Variants in XPA observed in about 807,000 individuals in gnomAD.
XPA encodes the protein DNA repair protein complementing XP-A cells.
In XPA, 27 loss-of-function variants were observed where a neutral mutation model predicts 35.7. The ratio of observed to expected loss-of-function variants is 0.76; its 90% CI spans 0.56 to 1.04. The LOEUF (loss-of-function observed/expected upper bound fraction) is 1.04, where lower values mean the gene tolerates loss of function less well. Among genes scored for constraint, XPA ranks in the 50% least tolerant of loss-of-function variants. XPA has a pLI of 0.00. For missense variants in XPA, 354 were observed against 342.7 expected, an observed-to-expected ratio of 1.03 and a Z score of -0.26; for synonymous variants, 133 against 118.4, an observed-to-expected ratio of 1.12 and a Z score of -0.80.
chr9:97,656,057 G>A, the XPA span: 1 of 1,614,004 alleles, frequency 6.2e-7, no homozygotes. Flanking sequence ...ACCGAAGTTT[G>A]TAAGAGAAGT....
At chr9:97,662,165 TTGC>T in the XPA span, 5 of 1,578,854 alleles carry the variant, frequency 3.2e-6, no homozygotes. Flanking sequence ...GTACAGAGCC[TTGC>T]TTGAGAGTTT....
chr9:97,665,593 C>T, the XPA span, among the ~76,000 whole-genome samples: 2 of 152,206 alleles, frequency 1.3e-5, no homozygotes, highest in Non-Finnish European at 2.9e-5. Flanking sequence ...AGTTAAAGTG[C>T]TCTGCTCTTT....
At chr9:97,661,500 G>A in the XPA span, among the ~76,000 whole-genome samples, 1 of 152,128 alleles carries the variant, frequency 6.6e-6, no homozygotes, top group Non-Finnish European at 1.5e-5. Flanking sequence ...TGGGAAAATT[G>A]ACAAAATAAT....
chr9:97,660,102 C>T, the XPA span, among the ~76,000 whole-genome samples: 4 of 152,126 alleles, frequency 2.6e-5, no homozygotes, highest in Non-Finnish European at 4.4e-5. Context: ...ATCTTGGTTC[C>T]CCAGCTAGAA....
the XPA span, among the ~76,000 whole-genome samples, chr9:97,664,726 G>C: frequency 6.6e-6 from 1 of 152,176 alleles, no homozygotes; most frequent in Non-Finnish European, 1.5e-5. Flanking sequence ...GAGAAAACTA[G>C]CAAGAGCCAG....
intron 5 of XPA, chr9:97,682,174 C>A: frequency 2.4e-6 from 1 of 423,332 alleles, no homozygotes; most frequent in Non-Finnish European, 4.6e-6. Flanking sequence ...ATCATATTCT[C>A]AAAGCAGGTA....
chr9:97,670,371 G>A (rs1032322042), downstream of XPA, among the ~76,000 whole-genome samples: 1 of 152,162 alleles, frequency 6.6e-6, no homozygotes, highest in African/African-American at 2.4e-5. Flanking sequence ...ATCAAGGTAA[G>A]CTCCCTGGGG....
chr9:97,694,664 T>A (rs536666785), intron 1 of XPA, among the ~76,000 whole-genome samples: 27 of 152,236 alleles, frequency 1.8e-4, no homozygotes, highest in African/African-American at 5.3e-4. Context: ...GCTGGTGAGA[T>A]TGGAAACTGA....
chr9:97,665,849 G>A, the XPA span, among the ~76,000 whole-genome samples: 1 of 148,230 alleles, frequency 6.7e-6, no homozygotes, highest in African/African-American at 2.5e-5. Context: ...AAGCCTTAGT[G>A]ATAACGTAGT....
the XPA span, among the ~76,000 whole-genome samples, chr9:97,663,546 G>T: frequency 6.6e-6 from 1 of 151,806 alleles, no homozygotes; most frequent in Non-Finnish European, 1.5e-5. Flanking sequence ...GTGCAGTGGC[G>T]CAATCTTGGC....
the XPA span, chr9:97,666,897 G>T: frequency 1.8e-3 from 2,747 of 1,486,264 alleles, 36 homozygotes; most frequent in African/African-American, 0.032. Flanking sequence ...GTGTAAACTT[G>T]TAAGTAGTTA....
chr9:97,695,434 G>C (rs2131408443), intron 1 of XPA, among the ~76,000 whole-genome samples: 1 of 152,280 alleles, frequency 6.6e-6, no homozygotes, highest in East Asian at 1.9e-4. Context: ...AACATTCCAT[G>C]AGTACCAACT....
At chr9:97,654,998 T>G in the XPA span, 50 of 1,325,636 alleles carry the variant, frequency 3.8e-5, no homozygotes, top group African/African-American at 7.0e-4. Context: ...CTTCCTGTAC[T>G]TCATAAAGGA....
At chr9:97,668,139 C>T in the XPA span, among the ~76,000 whole-genome samples, 1 of 152,186 alleles carries the variant, frequency 6.6e-6, no homozygotes, top group Admixed American at 6.5e-5. Flanking sequence ...CACCTTCTTG[C>T]TGAAAGTACC....
chr9:97,687,309 C>CT (rs1178924535), intron 3 of XPA, 48 bp from the exon 4 acceptor site: 13 of 1,512,574 alleles, frequency 8.6e-6, no homozygotes, highest in Non-Finnish European at 1.2e-5. Context: ...TTTAAATAAG[C>CT]TAAGTTTGCA....
chr9:97,677,488 C>T (rs3176736), intron 5 of XPA, among the ~76,000 whole-genome samples: 17,997 of 152,038 alleles, frequency 0.12, 3,028 homozygotes, highest in African/African-American at 0.37. Context: ...GCCTGGGCAA[C>T]ACAGTGAAAC....
chr9:97,694,247 T>G (rs1828977642), intron 1 of XPA, among the ~76,000 whole-genome samples: 1 of 151,758 alleles, frequency 6.6e-6, no homozygotes, highest in Admixed American at 6.6e-5. Flanking sequence ...GTGCGTTGTG[T>G]GTGTGTGCGT....
chr9:97,663,349 T>C, the XPA span, among the ~76,000 whole-genome samples: 5 of 152,236 alleles, frequency 3.3e-5, no homozygotes, highest in East Asian at 3.8e-4. Flanking sequence ...AACCTTGATA[T>C]ATATTGTGTA....
At chr9:97,675,819 CAA>C (rs573146399) in intron 5 of XPA, 266 of 577,006 alleles carry the variant, frequency 4.6e-4, no homozygotes, top group African/African-American at 4.4e-3. Context: ...CAGTGTGAAA[CAA>C]GAGATTCAGA....
Sources: gnomAD v4.1 joint callset for allele counts (sites outside exome capture counted in the v4.1 genomes callset) on GRCh38, gnomAD v4.1.1 for gene constraint, MANE v1.5 for transcripts, NCBI Gene and HGNC (gene_info 2026-07-23, HGNC 2026-07-21) for gene names.